Variants in CACNG3 observed in about 807,000 individuals in gnomAD.
CACNG3 encodes the protein calcium voltage-gated channel auxiliary subunit gamma 3.
A neutral mutation model predicts 28.5 loss-of-function variants in CACNG3; 3 were observed. That is an observed-to-expected ratio of 0.11 (90% confidence interval 0.05 to 0.27). CACNG3 has a LOEUF of 0.27. Ranked by LOEUF, CACNG3 falls within the 10% of genes least tolerant of loss-of-function variation. CACNG3 has a pLI of 1.00. For missense variants in CACNG3, 236 were observed against 414.4 expected (o/e 0.57, Z 3.74); for synonymous variants, 174 against 162.2 (o/e 1.07, Z -0.55).
At chr16:24,309,470 C>A (rs1859200) in intron 1 of CACNG3, among the ~76,000 whole-genome samples, 1 of 152,026 alleles carries the variant, frequency 6.6e-6, no homozygotes, top group African/African-American at 2.4e-5. Context: ...TAAGCTTCTA[C>A]CTCAGGTTGT....
chr16:24,330,857 C>T (rs1283817895), intron 1 of CACNG3, among the ~76,000 whole-genome samples: 1 of 152,190 alleles, frequency 6.6e-6, no homozygotes, highest in African/African-American at 2.4e-5. Context: ...ACACTCTAAA[C>T]AGTGAAATGA....
At chr16:24,264,130 A>G (rs1490841290) in intron 1 of CACNG3, among the ~76,000 whole-genome samples, 2 of 152,226 alleles carry the variant, frequency 1.3e-5, no homozygotes, top group Non-Finnish European at 2.9e-5. Context: ...CCTTGTGTTC[A>G]TATCTCACCT....
At chr16:24,328,101 G>A (rs1457890325) in intron 1 of CACNG3, among the ~76,000 whole-genome samples, 2 of 152,112 alleles carry the variant, frequency 1.3e-5, no homozygotes, top group Non-Finnish European at 2.9e-5. Context: ...ACAATAGAGA[G>A]GAATAAACAG....
intron 1 of CACNG3, among the ~76,000 whole-genome samples, chr16:24,290,765 G>A (rs1399892264): frequency 6.6e-6 from 1 of 152,066 alleles, no homozygotes; most frequent in Non-Finnish European, 1.5e-5. Flanking sequence ...AGAGTAAAGT[G>A]AAAGAATATA....
chr16:24,345,949 T>C (rs1035436111), intron 1 of CACNG3, among the ~76,000 whole-genome samples: 6 of 152,166 alleles, frequency 3.9e-5, no homozygotes, highest in Non-Finnish European at 7.3e-5. Flanking sequence ...CAAAAGTAAT[T>C]GCACAACTGC....
chr16:24,266,545 G>A (rs1264092369), intron 1 of CACNG3, among the ~76,000 whole-genome samples: 1 of 152,146 alleles, frequency 6.6e-6, no homozygotes, highest in Non-Finnish European at 1.5e-5. Context: ...AAGAAAAAGA[G>A]GGAAAACGAT....
At chr16:24,338,375 G>C (rs994390598) in intron 1 of CACNG3, among the ~76,000 whole-genome samples, 1 of 151,970 alleles carries the variant, frequency 6.6e-6, no homozygotes, top group African/African-American at 2.4e-5. Context: ...ACAGAGTCTC[G>C]CTCTGTCACC....
rs1899725800 is a variant in CACNG3, at chr16:24,337,330, T to C, written c.212-9404T>C. ...CCAGATTGCAACCATCTGACTTACTTGTAAAAATCCACAGACAAGCAGCCT... is the reference window on the plus strand; with the variant it reads ...CCAGATTGCAACCATCTGACTTACTCGTAAAAATCCACAGACAAGCAGCCT... On this transcript the variant is annotated intron_variant, in intron 1 of 3. Coordinates refer to ENST00000005284, the MANE Select transcript of CACNG3 (RefSeq NM_006539.4). 2.0e-5 allele frequency among the ~76,000 whole-genome samples: 3 copies of C among 152,152 alleles called. 1 individual carries two copies. The South Asian group carries it at 6.2e-4, about 32-fold the overall frequency.
intron 1 of CACNG3, among the ~76,000 whole-genome samples, chr16:24,342,020 C>T (rs969479980): frequency 2.0e-5 from 3 of 152,232 alleles, no homozygotes; most frequent in Admixed American, 6.5e-5. Context: ...GTCATCCCAG[C>T]GCTTTGGGAG....
At chr16:24,279,663 G>T (rs1898798650) in intron 1 of CACNG3, among the ~76,000 whole-genome samples, 1 of 152,150 alleles carries the variant, frequency 6.6e-6, no homozygotes. Flanking sequence ...AGCAATAATA[G>T]AATCCTATAT....
intron 1 of CACNG3, among the ~76,000 whole-genome samples, chr16:24,278,657 T>C (rs1053689147): frequency 6.6e-6 from 1 of 151,998 alleles, no homozygotes; most frequent in South Asian, 2.1e-4. Flanking sequence ...CTAACACTGT[T>C]TGAGAGTTTA....
chr16:24,321,606 C>T (rs1025081843), intron 1 of CACNG3, among the ~76,000 whole-genome samples: 7 of 152,150 alleles, frequency 4.6e-5, no homozygotes, highest in East Asian at 3.9e-4. Context: ...CATTCCAATA[C>T]GCCAAAGAGA....
intron 1 of CACNG3, among the ~76,000 whole-genome samples, chr16:24,261,958 A>T (rs1898542627): frequency 6.6e-6 from 1 of 152,152 alleles, no homozygotes. Flanking sequence ...GAAAAGACAT[A>T]ACATTTATTA....
intron 1 of CACNG3, among the ~76,000 whole-genome samples, chr16:24,300,441 T>G (rs943236493): frequency 3.3e-5 from 5 of 151,938 alleles, no homozygotes; most frequent in Non-Finnish European, 7.4e-5. Flanking sequence ...CTTCTGATTC[T>G]GGGGGGGAAA....
At chr16:24,347,277 C>A (rs1281675914) in intron 2 of CACNG3, among the ~76,000 whole-genome samples, 2 of 152,068 alleles carry the variant, frequency 1.3e-5, no homozygotes, top group Non-Finnish European at 2.9e-5. Flanking sequence ...ATGATCATAC[C>A]ACTGCAGTCC....
At chr16:24,273,255 C>T (rs928445268) in intron 1 of CACNG3, among the ~76,000 whole-genome samples, 1 of 152,150 alleles carries the variant, frequency 6.6e-6, no homozygotes, top group African/African-American at 2.4e-5. Flanking sequence ...GTAGTTACAT[C>T]CTTATCCCTA....
At chr16:24,292,950 G>A (rs1898984334) in intron 1 of CACNG3, among the ~76,000 whole-genome samples, 1 of 152,176 alleles carries the variant, frequency 6.6e-6, no homozygotes, top group African/African-American at 2.4e-5. Flanking sequence ...CCAAAGGAAG[G>A]AATTTGATGA....
chr16:24,281,017 T>C (rs141923650), intron 1 of CACNG3, among the ~76,000 whole-genome samples: 155 of 152,194 alleles, frequency 1.0e-3, no homozygotes, highest in African/African-American at 3.6e-3. Flanking sequence ...ATTGCTCATA[T>C]ACTGAAATAA....
chr16:24,294,357 G>A (rs1198085381), intron 1 of CACNG3, among the ~76,000 whole-genome samples: 1 of 152,138 alleles, frequency 6.6e-6, no homozygotes, highest in East Asian at 1.9e-4. Flanking sequence ...CAAGGCCTCG[G>A]GGTCCCCAGC....
Sources: allele counts gnomAD v4.1 joint callset (sites outside exome capture counted in the v4.1 genomes callset), GRCh38; gene constraint gnomAD v4.1.1; transcripts MANE v1.5; gene names NCBI Gene and HGNC (gene_info 2026-07-23, HGNC 2026-07-21).